The following MTSS2 variants were observed in gnomAD, a reference collection of about 807,000 sequenced individuals.
The protein encoded by MTSS2 is protein MTSS 2.
Under a neutral mutation model 67.1 loss-of-function variants are expected in MTSS2, and 27 were observed. That is an observed-to-expected ratio of 0.40 (90% CI 0.30 to 0.55). The LOEUF (loss-of-function observed/expected upper bound fraction) is 0.55. Ranked by LOEUF, MTSS2 falls within the 20% of genes least tolerant of loss-of-function variation. The probability of loss-of-function intolerance (pLI) is 0.43; values close to 1 mark genes in which losing one functional copy is unlikely to be tolerated. For missense variants in MTSS2, 1,171 were observed against 1,067.8 expected, an observed-to-expected ratio of 1.10 and a Z score of -1.35; for synonymous variants, 624 against 468.6, an observed-to-expected ratio of 1.33 and a Z score of -4.28.
At chr16:70,674,271 C>T in intron 11 of MTSS2, 35 bp downstream of exon 11, 1 of 1,594,966 alleles carries the variant, frequency 6.3e-7, no homozygotes, top group Non-Finnish European at 8.6e-7. Flanking sequence ...GGCTGCTGCA[C>T]CCCACCCTGA....
At chr16:70,677,645 G>A (rs1325836706) in intron 9 of MTSS2, 147 bp downstream of exon 9, 18 of 635,144 alleles carry the variant, frequency 2.8e-5, no homozygotes, top group Non-Finnish European at 4.4e-5. Flanking sequence ...GGGATGGCCT[G>A]CAGTGGGTGT....
At position 70,662,221 on chromosome 16, in the gene MTSS2, G is replaced by A. The variant is rs2052508448; in HGVS notation, c.*1456C>T. 1 of 152,106 alleles carries A rather than the reference G, an allele frequency of 6.6e-6. No homozygotes were observed. The highest frequency in any genetic ancestry group is 6.5e-5 in the Admixed American group (1 of 15,274). 9.4% of individuals were successfully genotyped at this position (152,106 alleles called of 1,614,324 possible). A position where few individuals can be genotyped will look rare whatever the true frequency, so the allele number is the denominator to read the frequency against. ...CAATCAATCAATCATCAAGACCAAG[G>A]TGCTCCTGACCCCCAGGTAGGACCC... On this transcript the variant is annotated 3_prime_UTR_variant, in exon 15 of 15. Coordinates refer to ENST00000338779, the MANE Select transcript of MTSS2 (RefSeq NM_138383.3).
intron 11 of MTSS2, among the ~76,000 whole-genome samples, chr16:70,670,180 A>ACAAT (rs1170183534): frequency 6.6e-6 from 1 of 152,190 alleles, no homozygotes; most frequent in Non-Finnish European, 1.5e-5. Flanking sequence ...CTGAGGCAGG[A>ACAAT]CAATCACTCG....
chr16:70,678,476 C>T, intron 7 of MTSS2, 67 bp from the exon 8 acceptor site: 1 of 1,542,448 alleles, frequency 6.5e-7, no homozygotes. Context: ...CACAAATGGG[C>T]TCAGACCCTG....
chr16:70,676,555 T>A (rs1250370372), intron 10 of MTSS2, among the ~76,000 whole-genome samples: 1 of 152,192 alleles, frequency 6.6e-6, no homozygotes, highest in Non-Finnish European at 1.5e-5. Context: ...AAAATGGAGA[T>A]GACACCATTC....
chr16:70,679,465 T>C (rs1335860866), intron 6 of MTSS2, 142 bp from the exon 7 acceptor site: 4 of 1,260,214 alleles, frequency 3.2e-6, no homozygotes, highest in Non-Finnish European at 4.5e-6. Flanking sequence ...GGACCAGGTT[T>C]GGGGGGAAGG....
intron 10 of MTSS2, among the ~76,000 whole-genome samples, chr16:70,675,214 G>A (rs1221702302): frequency 6.6e-6 from 1 of 152,038 alleles, no homozygotes; most frequent in African/African-American, 2.4e-5. Flanking sequence ...CTTGAGTCCA[G>A]GAATTTGAGA....
intron 10 of MTSS2, 147 bp from the exon 11 acceptor site, chr16:70,674,675 A>G: frequency 1.4e-6 from 1 of 716,778 alleles, no homozygotes; most frequent in Non-Finnish European, 2.3e-6. Flanking sequence ...CCTGAGACCC[A>G]GGTGCTACAC....
chr16:70,663,343 C>A lies in MTSS2; in HGVS notation c.*334G>T. ...GCCGGGATGGTGAAAGGGAGGCCAG[C>A]CTGGCCCCTCTGTCATGGGCAGCGG... On this transcript the variant is annotated 3_prime_UTR_variant, in exon 15 of 15. Transcript: ENST00000338779. The A allele has an allele frequency of 3.1e-6, 1 of 327,618 alleles. No homozygotes were observed. The highest frequency in any genetic ancestry group is 5.6e-6 in the Non-Finnish European group (1 of 179,884). 20.3% of individuals were successfully genotyped at this position (327,618 alleles called of 1,614,324 possible).
In MTSS2 at chr16:70,676,982, G is replaced by C. The variant is rs369098192; in HGVS notation, c.733-4C>G. On this transcript the variant is annotated splice_region_variant and splice_polypyrimidine_tract_variant and intron_variant, in intron 9 of 14. Transcript: ENST00000338779. ...AGCCCTTTAGGTCTTTGATTACCTG[G>C]ACAGGGACATGGATGGGGGTCACTG... 11 of 1,612,130 alleles carry C rather than the reference G, an allele frequency of 6.8e-6. No individual in the cohort carries two copies. The highest frequency in any genetic ancestry group is 9.3e-6 in the Non-Finnish European group (11 of 1,178,750).
intron 11 of MTSS2, among the ~76,000 whole-genome samples, chr16:70,670,969 CAAA>C (rs1166088540): frequency 3.0e-4 from 10 of 32,968 alleles, no homozygotes; most frequent in East Asian, 2.6e-3. Flanking sequence ...GACCCTGTCT[CAAA>C]AAAAAAAAAA....
chr16:70,677,342 C>G (rs1017537934), intron 9 of MTSS2, among the ~76,000 whole-genome samples: 2 of 152,164 alleles, frequency 1.3e-5, no homozygotes, highest in Non-Finnish European at 2.9e-5. Flanking sequence ...GGGCATGCAA[C>G]AAGTGCCTCT....
In MTSS2 at chr16:70,680,798, G is replaced by T. The variant is rs968527646; in HGVS notation, c.201C>A (p.Thr67=). The change falls in exon 3 of 15, where the codon ACC becomes ACA. Residue 67 remains threonine, a synonymous_variant. Transcript: ENST00000338779. ...TCCAGCCACGCGCCTCCCCACCTCG[G>T]GTGTTGGTAGCCATGTCAGCCACTT... ...FQKVADMATN[T]RGATRDIGSA... is the part of the protein sequence containing the mutation. The T allele has an allele frequency of 6.4e-6, 10 of 1,552,340 alleles. No homozygotes were observed. In the African/African-American group the frequency reaches 1.4e-4, roughly 21 times the overall value.
Position 70,662,682 on chromosome 16 carries a change from C to G in MTSS2, c.*995G>C, listed in dbSNP as rs561198649. 2 of 152,774 alleles carry G rather than the reference C, an allele frequency of 1.3e-5. No individual in the cohort carries two copies. Among genetic ancestry groups the G allele is most frequent in the African/African-American group, 4.8e-5 (2 of 41,540 alleles). 9.5% of individuals were successfully genotyped at this position (152,774 alleles called of 1,614,324 possible). On this transcript the variant is annotated 3_prime_UTR_variant, in exon 15 of 15. Transcript: ENST00000338779. ...CACCGGGGGGTCCCTGTCCCCCAGG[C>G]ACTCCCAGACACACACCCTGTATCG...
intron 6 of MTSS2, 46 bp from the exon 7 acceptor site, chr16:70,679,369 A>C (rs753239740): frequency 6.2e-7 from 1 of 1,611,838 alleles, no homozygotes; most frequent in Non-Finnish European, 8.5e-7. Flanking sequence ...AGAGAAAGAA[A>C]GAATGTGTGA....
chr16:70,680,910 G>GC (rs762067649), intron 2 of MTSS2, 43 bp from the exon 3 acceptor site: 12 of 1,503,106 alleles, frequency 8.0e-6, no homozygotes, highest in African/African-American at 4.1e-5. Context: ...TGGTTGGGCG[G>GC]GGGGGGGGCC....
At chr16:70,670,762 G>A (rs117229820) in intron 11 of MTSS2, among the ~76,000 whole-genome samples, 1 of 152,064 alleles carries the variant, frequency 6.6e-6, no homozygotes, top group South Asian at 2.1e-4. Flanking sequence ...GTAGGAGTTC[G>A]AGACCAGCCT....
Position 70,665,168 on chromosome 16 carries a change from G to A in MTSS2, c.1129-72C>T, listed in dbSNP as rs1377458226. 3 of 1,498,160 alleles carry A rather than the reference G, an allele frequency of 2.0e-6. No homozygotes were observed. The South Asian group carries it at 4.0e-5, about 20-fold the overall frequency. 92.8% of individuals were successfully genotyped at this position (1,498,160 alleles called of 1,614,324 possible). A position where few individuals can be genotyped will look rare whatever the true frequency, so the allele number is the denominator to read the frequency against. On this transcript the variant is annotated intron_variant, in intron 12 of 14. Coordinates refer to ENST00000338779, the MANE Select transcript of MTSS2 (RefSeq NM_138383.3). ...CTATGGCCCGGGGGCCCGTCACTGT[G>A]GCTGAGGCTCAGGGTGTCCAGGGCT...
chr16:70,679,563 CCACGGGGCG>C, intron 6 of MTSS2, 58 bp downstream of exon 6: 1 of 1,494,376 alleles, frequency 6.7e-7, no homozygotes, highest in Non-Finnish European at 9.0e-7. Flanking sequence ...TTGGGGCGCC[CCACGGGGCG>C]GTGGGGCTGT....
Sources: gnomAD v4.1 joint callset for allele counts (sites outside exome capture counted in the v4.1 genomes callset) on GRCh38, gnomAD v4.1.1 for gene constraint, MANE v1.5 for transcripts, NCBI Gene and HGNC (gene_info 2026-07-23, HGNC 2026-07-21) for gene names.